FAM3B: variants seen among roughly 807,000 people sequenced by gnomAD.
FAM3B encodes protein FAM3B.
FAM3B carries 29 observed loss-of-function variants against 28.4 expected under a neutral mutation model. That is an observed-to-expected ratio of 1.02 (90% confidence interval 0.76 to 1.39). The LOEUF is 1.39. Ranked by LOEUF, FAM3B falls within the 40% of genes most tolerant of loss-of-function variation. The probability of loss-of-function intolerance (pLI) is 0.00; values close to 1 mark genes in which losing one functional copy is unlikely to be tolerated. For synonymous variants in FAM3B, 91 were observed against 103.0 expected (o/e 0.88, Z 0.71); for missense variants, 266 against 293.9 (o/e 0.91, Z 0.69).
chr21:41,349,929 C>T (rs745315703), intron 7 of FAM3B, among the ~76,000 whole-genome samples: 2 of 152,020 alleles, frequency 1.3e-5, no homozygotes, highest in Non-Finnish European at 2.9e-5. Flanking sequence ...GCCCTGGCCT[C>T]GACCCCTCCT....
chr21:41,344,777 G>C (rs1349662326), intron 4 of FAM3B, among the ~76,000 whole-genome samples: 1 of 152,124 alleles, frequency 6.6e-6, no homozygotes, highest in African/African-American at 2.4e-5. Context: ...AAAAAACAGA[G>C]GGATAGGCCA....
rs540958649 is a variant in FAM3B at position 41,334,786 on chromosome 21, C to T, written c.164-3592C>T. 5.3e-5 allele frequency among the ~76,000 whole-genome samples: 8 copies of T among 152,298 alleles called. 1 individual carries two copies. The South Asian group carries it at 1.5e-3, about 28-fold the overall frequency. On this transcript the variant is annotated intron_variant, in intron 2 of 7. Coordinates refer to ENST00000357985, the MANE Select transcript of FAM3B (RefSeq NM_058186.4). The stretch of plus-strand genomic sequence containing the variant: ...TCCTCCAGACCCCAGAGGGGCAGAT[C>T]CTGGCAGCTTGCACCCTCAGCATGG...
chr21:41,348,006 TG>T (rs1348515610), intron 6 of FAM3B, among the ~76,000 whole-genome samples: 1 of 152,212 alleles, frequency 6.6e-6, no homozygotes, highest in Non-Finnish European at 1.5e-5. Context: ...CTTACCAAAC[TG>T]AAGTTCCTTG....
At chr21:41,334,357 A>G (rs551905787) in intron 2 of FAM3B, among the ~76,000 whole-genome samples, 24 of 152,312 alleles carry the variant, frequency 1.6e-4, no homozygotes, top group African/African-American at 5.8e-4. Flanking sequence ...ACACAGGCCC[A>G]GAGGGTTAAG....
rs1020018506 is a variant in FAM3B, at chr21:41,344,188, G to T, written c.288-288G>T. On this transcript the variant is annotated intron_variant, in intron 3 of 7. Coordinates refer to ENST00000357985, the MANE Select transcript of FAM3B (RefSeq NM_058186.4). Reference sequence around the variant, plus strand: ...AAGAGCCTGAGCTAAATAAATGTTAGTTTTTCTTCCCCCTAGCCATTTGTC... The same window carrying T: ...AAGAGCCTGAGCTAAATAAATGTTATTTTTTCTTCCCCCTAGCCATTTGTC... Among the ~76,000 whole-genome samples the T allele has an allele frequency of 2.0e-5, 3 of 152,244 alleles. 1 individual carries two copies. Among genetic ancestry groups the T allele is most frequent in the South Asian group, 4.1e-4 (2 of 4,834 alleles).
exon 1 of FAM3B, chr21:41,304,249 C>A (rs1048955173): frequency 2.2e-6 from 1 of 455,884 alleles, no homozygotes; most frequent in African/African-American, 2.0e-5. Flanking sequence ...GCTCGGCGGG[C>A]ATGGCTGGGG....
intron 2 of FAM3B, among the ~76,000 whole-genome samples, chr21:41,331,017 T>G (rs1054089008): frequency 6.6e-6 from 1 of 152,248 alleles, no homozygotes; most frequent in East Asian, 1.9e-4. Context: ...ATCTCCATAC[T>G]GTTTTTCCAT....
upstream of FAM3B, among the ~76,000 whole-genome samples, chr21:41,312,722 A>AGAGTGTGT (rs1555866778): frequency 6.7e-6 from 1 of 148,216 alleles, no homozygotes; most frequent in Non-Finnish European, 1.5e-5. Flanking sequence ...TGTGTGTGAG[A>AGAGTGTGT]GTGTGTGTGT....
At chr21:41,309,819 C>T (rs577117757) in intron 1 of FAM3B, among the ~76,000 whole-genome samples, 21 of 152,370 alleles carry the variant, frequency 1.4e-4, no homozygotes, top group South Asian at 8.3e-4. Context: ...GATACCATCA[C>T]GCTTGGGAAC....
chr21:41,336,376 G>A (rs545447308), intron 2 of FAM3B, among the ~76,000 whole-genome samples: 85 of 152,256 alleles, frequency 5.6e-4, no homozygotes, highest in Middle Eastern at 6.8e-3. Context: ...ACAAAAATTA[G>A]CCAGATGTGG....
intron 3 of FAM3B, among the ~76,000 whole-genome samples, chr21:41,339,133 A>G (rs2088981861): frequency 6.6e-6 from 1 of 152,172 alleles, no homozygotes. Context: ...TAAGATTGAT[A>G]TTATTTCTTC....
chr21:41,353,032 C>G (rs1449124057), intron 7 of FAM3B, among the ~76,000 whole-genome samples: 1 of 152,034 alleles, frequency 6.6e-6, no homozygotes, highest in Non-Finnish European at 1.5e-5. Context: ...AATGAACAAC[C>G]TGAAGATGAA....
In FAM3B at chr21:41,322,943, G is replaced by A. The variant is rs2838012; in HGVS notation, c.40G>A (p.Val14Met). The A allele has an allele frequency of 0.054, 87,828 of 1,613,772 alleles. 2,835 individuals carry two copies. The highest frequency in any genetic ancestry group is 0.12 in the African/African-American group (8,962 of 75,054). The change falls in exon 2 of 8, where the codon GTG becomes ATG. Residue 14 changes from valine to methionine, a missense_variant. Physicochemically the swap from Val to Met is conservative, Grantham distance 21 (BLOSUM62 1). Transcript: ENST00000357985. ...LAGGLLKVVF[V>M]VFASLCAWYS... ...TGCAGGCCTGCTCAAGGTGGTGTTC[G>A]TGGTCTTCGCCTCCTTGTGTGCCTG...
At chr21:41,329,697 G>A (rs1259420496) in intron 2 of FAM3B, among the ~76,000 whole-genome samples, 1 of 151,826 alleles carries the variant, frequency 6.6e-6, no homozygotes, top group Non-Finnish European at 1.5e-5. Context: ...AGCCTCCCAA[G>A]TAGCTGGGAT....
At chr21:41,350,918 TTAAC>T (rs1202061417) in intron 7 of FAM3B, among the ~76,000 whole-genome samples, 1 of 152,180 alleles carries the variant, frequency 6.6e-6, no homozygotes, top group Non-Finnish European at 1.5e-5. Flanking sequence ...CCCAGCTTAT[TTAAC>T]TAGCAAGGGC....
rs2089066616 is a variant in FAM3B at position 41,347,004 on chromosome 21, C to A, written c.398-9C>A. 1 of 1,613,766 alleles carries A rather than the reference C, an allele frequency of 6.2e-7. No individual in the cohort carries two copies. The highest frequency in any genetic ancestry group is 8.5e-7 in the Non-Finnish European group (1 of 1,179,680). ...AAAGACCCTAAAACTGACTTGCATC[C>A]CCCAATAGATAACTCTGGACCGATG... On this transcript the variant is annotated splice_polypyrimidine_tract_variant and intron_variant, in intron 5 of 7. Coordinates refer to ENST00000357985, the MANE Select transcript of FAM3B (RefSeq NM_058186.4).
upstream of FAM3B, among the ~76,000 whole-genome samples, chr21:41,313,738 A>G (rs1408645543): frequency 6.6e-6 from 1 of 151,796 alleles, no homozygotes; most frequent in African/African-American, 2.4e-5. Flanking sequence ...ACCTCATCAT[A>G]CAGTATGTAT....
At chr21:41,314,772 A>AG (rs1377651491), upstream of FAM3B, among the ~76,000 whole-genome samples, 1 of 152,024 alleles carries the variant, frequency 6.6e-6, no homozygotes, top group Non-Finnish European at 1.5e-5. Context: ...TAAAAAAAAA[A>AG]AAAGAGAGAG....
In FAM3B at chr21:41,342,226, C is replaced by T. The variant is rs28655288; in HGVS notation, c.288-2250C>T. On this transcript the variant is annotated intron_variant, in intron 3 of 7. Coordinates refer to ENST00000357985, the MANE Select transcript of FAM3B (RefSeq NM_058186.4). ...AGAAGTCAGCTGACAGTCTTATTGT[C>T]GCTGCTGTGAAAGTAACTGCCCATT... is the stretch of plus-strand genomic sequence containing the variant. Among the ~76,000 whole-genome samples the T allele has an allele frequency of 6.3e-3, 954 of 152,268 alleles. 12 individuals are homozygous for T. The highest frequency in any genetic ancestry group is 0.021 in the African/African-American group (891 of 41,534).
Sources: allele counts gnomAD v4.1 joint callset (sites outside exome capture counted in the v4.1 genomes callset), GRCh38; gene constraint gnomAD v4.1.1; transcripts MANE v1.5; gene names NCBI Gene and HGNC (gene_info 2026-07-23, HGNC 2026-07-21).